The following XRCC4 variants were observed in gnomAD, a reference collection of about 807,000 sequenced individuals.
The protein encoded by XRCC4 is X-ray repair cross complementing 4.
A neutral mutation model predicts 39.1 loss-of-function variants in XRCC4; 28 were observed. The ratio of observed to expected loss-of-function variants is 0.72; its 90% CI spans 0.53 to 0.98. The LOEUF (loss-of-function observed/expected upper bound fraction) is 0.98. XRCC4 is among the 50% of genes least tolerant of loss of function. The pLI is 0.00. For synonymous variants in XRCC4, 123 were observed against 126.4 expected, an observed-to-expected ratio of 0.97 and a Z score of 0.18; for missense variants, 350 against 376.4, an observed-to-expected ratio of 0.93 and a Z score of 0.58.
downstream of XRCC4, among the ~76,000 whole-genome samples, chr5:83,356,953 A>T (rs1326521415): frequency 7.2e-5 from 11 of 152,300 alleles, no homozygotes; most frequent in South Asian, 2.3e-3. Flanking sequence ...CTCTCAAGAG[A>T]TGTCTTTATT....
At chr5:83,329,358 A>G (rs1212696549) in intron 7 of XRCC4, among the ~76,000 whole-genome samples, 1 of 152,132 alleles carries the variant, frequency 6.6e-6, no homozygotes, top group Non-Finnish European at 1.5e-5. Flanking sequence ...CCATGCAGTG[A>G]GAGAAAATAT....
the XRCC4 span, among the ~76,000 whole-genome samples, chr5:83,362,696 T>C: frequency 6.6e-6 from 1 of 152,206 alleles, no homozygotes; most frequent in African/African-American, 2.4e-5. Context: ...TCATACAAGA[T>C]ACCAGTAACT....
At chr5:83,211,694 T>C (rs1751652721) in intron 6 of XRCC4, among the ~76,000 whole-genome samples, 1 of 152,216 alleles carries the variant, frequency 6.6e-6, no homozygotes, top group East Asian at 1.9e-4. Flanking sequence ...AATTACTGGC[T>C]GACGTCAAAA....
chr5:83,121,781 T>C (rs2112445320), intron 3 of XRCC4, among the ~76,000 whole-genome samples: 1 of 152,312 alleles, frequency 6.6e-6, no homozygotes, highest in African/African-American at 2.4e-5. Flanking sequence ...GCCTAACTTG[T>C]TGCAGACTTA....
At chr5:83,267,344 T>C (rs28360245) in intron 7 of XRCC4, among the ~76,000 whole-genome samples, 5,649 of 152,244 alleles carry the variant, frequency 0.037, 346 homozygotes, top group African/African-American at 0.13. Context: ...TTATTTCCTT[T>C]AGTAACAGAA....
intron 7 of XRCC4, among the ~76,000 whole-genome samples, chr5:83,322,911 C>G (rs532754663): frequency 2.6e-5 from 4 of 152,136 alleles, no homozygotes; most frequent in Non-Finnish European, 5.9e-5. Context: ...TTGTTTTAAA[C>G]AACCAAGTTT....
chr5:83,100,995 A>G (rs1285734212), intron 1 of XRCC4, among the ~76,000 whole-genome samples: 1 of 152,114 alleles, frequency 6.6e-6, no homozygotes, highest in Non-Finnish European at 1.5e-5. Flanking sequence ...TGGAATATTT[A>G]AAAATTATTT....
chr5:83,119,517 T>C (rs969806592), intron 3 of XRCC4, among the ~76,000 whole-genome samples: 1 of 152,212 alleles, frequency 6.6e-6, no homozygotes, highest in African/African-American at 2.4e-5. Context: ...AAAACAAAAA[T>C]ATCAGTGTTT....
chr5:83,263,385 G>T (rs1216751373), intron 7 of XRCC4, among the ~76,000 whole-genome samples: 1 of 151,700 alleles, frequency 6.6e-6, no homozygotes, highest in South Asian at 2.1e-4. Context: ...GGGTCAAATG[G>T]TATTTCCAGT....
intron 7 of XRCC4, among the ~76,000 whole-genome samples, chr5:83,321,094 C>G (rs758999583): frequency 1.2e-4 from 18 of 152,082 alleles, no homozygotes; most frequent in Non-Finnish European, 1.9e-4. Context: ...CAGGCATTAG[C>G]AAGTTATGTA....
At chr5:83,196,325 G>T (rs1750946204) in intron 4 of XRCC4, among the ~76,000 whole-genome samples, 1 of 151,986 alleles carries the variant, frequency 6.6e-6, no homozygotes, top group Non-Finnish European at 1.5e-5. Context: ...TTTGGGCTCA[G>T]TGAGTGGCAT....
intron 2 of XRCC4, among the ~76,000 whole-genome samples, 186 bp from the exon 3 acceptor site, chr5:83,110,842 T>G (rs994140449): frequency 5.3e-5 from 8 of 152,112 alleles, no homozygotes; most frequent in African/African-American, 1.9e-4. Flanking sequence ...AATTAATGCA[T>G]TTCTCAAAAA....
intron 7 of XRCC4, among the ~76,000 whole-genome samples, chr5:83,313,193 G>A (rs747445919): frequency 2.0e-5 from 3 of 150,730 alleles, no homozygotes; most frequent in African/African-American, 4.9e-5. Context: ...ATTCCACCCT[G>A]CCTCTGAATC....
chr5:83,109,446 G>A (rs1746345678), intron 2 of XRCC4, among the ~76,000 whole-genome samples: 1 of 151,702 alleles, frequency 6.6e-6, no homozygotes, highest in South Asian at 2.1e-4. Context: ...AGTTTTATAA[G>A]GAATTAAAAT....
intron 7 of XRCC4, among the ~76,000 whole-genome samples, chr5:83,269,160 A>G (rs1227343178): frequency 6.6e-6 from 1 of 152,174 alleles, no homozygotes; most frequent in Admixed American, 6.5e-5. Context: ...AATAACTTCC[A>G]GAAGAGGAAA....
intron 7 of XRCC4, among the ~76,000 whole-genome samples, chr5:83,339,561 G>A (rs1756693479): frequency 6.6e-6 from 1 of 151,832 alleles, no homozygotes; most frequent in Non-Finnish European, 1.5e-5. Context: ...AACCACCATG[G>A]CACCTGTATA....
chr5:83,124,862 A>G lies in XRCC4; in HGVS notation c.315+13659A>G, dbSNP rs528436378. 9.2e-5 allele frequency among the ~76,000 whole-genome samples: 14 copies of G among 152,352 alleles called. No individual in the cohort carries two copies. In the South Asian group the frequency reaches 2.9e-3, roughly 32 times the overall value. On this transcript the variant is annotated intron_variant, in intron 3 of 7. Coordinates refer to ENST00000396027, the MANE Select transcript of XRCC4 (RefSeq NM_003401.5). ...CCTGCTCTAGGATAAATAAATATCT[A>G]GGATTGTGAATGCAGGGCTGTATGG...
chr5:83,080,298 G>A lies in XRCC4; in HGVS notation c.-11+2683G>A, dbSNP rs192825129. 1.5e-3 allele frequency among the ~76,000 whole-genome samples: 228 copies of A among 152,176 alleles called. 3 individuals are homozygous for A. The South Asian group carries it at 0.018, about 12-fold the overall frequency. ...TTCCAGCACTTTGGGAGACCAAGGC[G>A]GGCAGATCACTTGAGGTCAGGAGTT... On this transcript the variant is annotated intron_variant, in intron 1 of 7. Coordinates refer to ENST00000396027, the MANE Select transcript of XRCC4 (RefSeq NM_003401.5).
chr5:83,329,830 A>G (rs1756382531), intron 7 of XRCC4, among the ~76,000 whole-genome samples: 6 of 152,128 alleles, frequency 3.9e-5, no homozygotes, highest in Admixed American at 2.6e-4. Flanking sequence ...CTAAGGAAGA[A>G]GCCTAAAGTG....
Sources: allele counts gnomAD v4.1 joint callset (sites outside exome capture counted in the v4.1 genomes callset), GRCh38; gene constraint gnomAD v4.1.1; transcripts MANE v1.5; gene names NCBI Gene and HGNC (gene_info 2026-07-23, HGNC 2026-07-21).